Variants in BPIFB3 observed in about 807,000 individuals in gnomAD.
The protein encoded by BPIFB3 is BPI fold-containing family B member 3.
A neutral mutation model predicts 53.1 loss-of-function variants in BPIFB3; 49 were observed. That is an observed-to-expected ratio of 0.92 (90% CI 0.73 to 1.17). The LOEUF is 1.17. Among genes scored for constraint, BPIFB3 ranks in the 50% most tolerant of loss-of-function variants. The pLI is 0.00. For synonymous variants in BPIFB3, 271 were observed against 269.6 expected (o/e 1.01, Z -0.05); for missense variants, 628 against 592.5 (o/e 1.06, Z -0.62).
chr20:33,069,900 C>T (rs766380597), exon 11 of BPIFB3: 3 of 1,614,050 alleles, frequency 1.9e-6, no homozygotes, highest in Non-Finnish European at 2.5e-6. Context: ...CATGACTGTG[C>T]GTGCCCAGCT....
chr20:33,066,846 C>G, exon 9 of BPIFB3: 1 of 1,614,222 alleles, frequency 6.2e-7, no homozygotes, highest in Non-Finnish European at 8.5e-7. Flanking sequence ...GTCCCACTGA[C>G]AACTACAGAC....
At position 33,072,741 on chromosome 20, in the gene BPIFB3, TG is replaced by T; in HGVS notation, c.1350del (p.Pro451LeufsTer16). On this transcript the variant is annotated frameshift_variant, in exon 14 of 15. Coordinates refer to ENST00000375494, the Ensembl canonical transcript of BPIFB3. LOFTEE classifies it high-confidence loss of function. ...GTGGCCCTGGATGTTGGAATTCCCCTGCCTAAGGTTCTTAATATCAATTTTT... is the reference window on the plus strand; with the variant it reads ...GTGGCCCTGGATGTTGGAATTCCCCTCCTAAGGTTCTTAATATCAATTTTT... The T allele has an allele frequency of 6.2e-7, 1 of 1,613,740 alleles. No homozygotes were observed. The highest frequency in any genetic ancestry group is 8.5e-7 in the Non-Finnish European group (1 of 1,179,614).
rs371950669 is a variant in BPIFB3, at chr20:33,059,939, G to A, written c.435G>A (p.Ser145=). ...TGGCTGCGGAGGTGAACGTGACATC[G>A]CGGGTGGCGCTGGCCGTGAGCTCAA... Residue 145 remains serine (S), a synonymous_variant, in exon 4 of 15, where the codon TCG becomes TCA. Coordinates refer to ENST00000375494, the Ensembl canonical transcript of BPIFB3. The A allele has an allele frequency of 3.6e-5, 58 of 1,613,998 alleles. No homozygotes were observed. The highest frequency in any genetic ancestry group is 4.9e-5 in the Non-Finnish European group (58 of 1,180,026).
intron 1 of BPIFB3, among the ~76,000 whole-genome samples, chr20:33,056,295 G>A (rs1461998972): frequency 6.6e-6 from 1 of 152,178 alleles, no homozygotes. Context: ...TATGAGATTT[G>A]CTCATTCATT....
At chr20:33,066,990 A>C in intron 9 of BPIFB3, 113 bp downstream of exon 10, 1 of 1,080,182 alleles carries the variant, frequency 9.3e-7, no homozygotes, top group Non-Finnish European at 1.4e-6. Flanking sequence ...TGAACAGTTG[A>C]GTCCAAATTC....
At chr20:33,065,486 G>A (rs894037460) in intron 8 of BPIFB3, among the ~76,000 whole-genome samples, 12 of 151,800 alleles carry the variant, frequency 7.9e-5, no homozygotes, top group Admixed American at 2.6e-4. Flanking sequence ...ACTCCAGTGT[G>A]GGCCACAGAA....
Position 33,064,854 on chromosome 20 carries a change from G to C in BPIFB3, c.924+9G>C, listed in dbSNP as rs1292707320. On this transcript the variant is annotated intron_variant, in intron 8 of 14. Transcript: ENST00000375494. ...ACATCACCCCTGAGCTGGTGAGTGT[G>C]GTGCCCGGGGGATGGGGATGGGGGC... The C allele has an allele frequency of 1.2e-6, 2 of 1,608,904 alleles. No individual in the cohort carries two copies. Among genetic ancestry groups the C allele is most frequent in the East Asian group, 4.5e-5 (2 of 44,864 alleles).
At chr20:33,059,069 G>T (rs948578322) in intron 2 of BPIFB3, among the ~76,000 whole-genome samples, 1 of 152,252 alleles carries the variant, frequency 6.6e-6, no homozygotes, top group South Asian at 2.1e-4. Flanking sequence ...ATGGAGTGAG[G>T]AAAAACTTTA....
At chr20:33,065,277 C>T (rs1169111653) in intron 8 of BPIFB3, among the ~76,000 whole-genome samples, 1 of 152,168 alleles carries the variant, frequency 6.6e-6, no homozygotes, top group African/African-American at 2.4e-5. Context: ...GTGGCTCATG[C>T]CTGTAATCCC....
intron 10 of BPIFB3, 28 bp downstream of exon 11, chr20:33,069,001 C>T: frequency 2.5e-6 from 4 of 1,601,236 alleles, no homozygotes; most frequent in Non-Finnish European, 3.4e-6. Context: ...GGCTGGGGGC[C>T]CGGCATTGGG....
chr20:33,070,007 A>C, intron 11 of BPIFB3, 52 bp downstream of exon 12: 1 of 1,587,542 alleles, frequency 6.3e-7, no homozygotes, highest in Non-Finnish European at 8.7e-7. Context: ...AGGAACAAGA[A>C]TTAGGGGCTG....
chr20:33,063,735 A>T, intron 6 of BPIFB3, 60 bp downstream of exon 7: 1 of 1,533,890 alleles, frequency 6.5e-7, no homozygotes, highest in Non-Finnish European at 8.9e-7. Context: ...TATGACCCCA[A>T]TGGGGTAGGG....
At chr20:33,068,911 A>G (rs1420004124) in exon 10 of BPIFB3, 5 of 1,613,904 alleles carry the variant, frequency 3.1e-6, no homozygotes, top group South Asian at 1.1e-5. Context: ...CCTCCCAGCC[A>G]ACATCCATGT....
chr20:33,059,828 G>C, intron 3 of BPIFB3, 63 bp from the exon 5 acceptor site: 2 of 1,578,152 alleles, frequency 1.3e-6, no homozygotes, highest in Non-Finnish European at 1.7e-6. Context: ...GGGCCACCCT[G>C]GTGGGCGGGG....
chr20:33,058,713 T>C (rs1216733551), intron 2 of BPIFB3, among the ~76,000 whole-genome samples: 8 of 151,832 alleles, frequency 5.3e-5, no homozygotes, highest in Non-Finnish European at 1.5e-5. Context: ...ACAGCGAAGA[T>C]CCCATGGGCT....
chr20:33,055,001 G>T (rs396008), upstream of BPIFB3, among the ~76,000 whole-genome samples: 1 of 152,180 alleles, frequency 6.6e-6, no homozygotes, highest in Non-Finnish European at 1.5e-5. Flanking sequence ...TGTCCTGGAG[G>T]GGGAAGCCCC....
upstream of BPIFB3, among the ~76,000 whole-genome samples, chr20:33,053,984 G>A (rs1037039476): frequency 4.6e-5 from 7 of 152,176 alleles, no homozygotes; most frequent in Non-Finnish European, 1.0e-4. Flanking sequence ...GCCTGAGGCA[G>A]CCCTGCTCTT....
rs1359062074 is a variant in BPIFB3 at position 33,056,529 on chromosome 20, ACT to A, written c.125-6_125-5del. On this transcript the variant is annotated splice_polypyrimidine_tract_variant and intron_variant, in intron 1 of 14. Coordinates refer to ENST00000375494, the Ensembl canonical transcript of BPIFB3. The stretch of plus-strand genomic sequence containing the variant: ...GAGTTTCTAGTACCTTCCTACTTCC[ACT>A]CTCTCTGCAGCCATCCAGAACTCAC... The A allele has an allele frequency of 1.2e-6, 2 of 1,612,812 alleles. No individual in the cohort carries two copies. Among genetic ancestry groups the A allele is most frequent in the African/African-American group, 1.3e-5 (1 of 74,664 alleles).
intron 3 of BPIFB3, 46 bp from the exon 5 acceptor site, chr20:33,059,845 G>T (rs1455458013): frequency 1.2e-6 from 2 of 1,601,198 alleles, no homozygotes; most frequent in Admixed American, 1.7e-5. Flanking sequence ...GGGGCCAAGG[G>T]TGGGAGCTGG....
Sources: allele counts gnomAD v4.1 joint callset (sites outside exome capture counted in the v4.1 genomes callset), GRCh38; gene constraint gnomAD v4.1.1; transcripts MANE v1.5; gene names NCBI Gene and HGNC (gene_info 2026-07-23, HGNC 2026-07-21).